Variants in ANKZF1 observed in about 807,000 individuals in gnomAD.
ANKZF1 encodes ankyrin repeat and zinc finger peptidyl tRNA hydrolase 1.
In ANKZF1, 84 loss-of-function variants were observed where a neutral mutation model predicts 86.0. That is an observed-to-expected ratio of 0.98 (90% CI 0.82 to 1.17). The LOEUF (loss-of-function observed/expected upper bound fraction) is 1.17, where lower values mean the gene tolerates loss of function less well. Among genes scored for constraint, ANKZF1 ranks in the 50% most tolerant of loss-of-function variants. The pLI is 0.00. For missense variants in ANKZF1, 893 were observed against 918.4 expected, an observed-to-expected ratio of 0.97 and a Z score of 0.36; for synonymous variants, 331 against 354.2, an observed-to-expected ratio of 0.93 and a Z score of 0.74.
At position 219,229,847 on chromosome 2, in the gene ANKZF1, A is replaced by G. The variant is rs1171499711; in HGVS notation, c.-84A>G. The G allele has an allele frequency of 1.2e-5, 2 of 173,872 alleles. No individual in the cohort carries two copies. Among genetic ancestry groups the G allele is most frequent in the Non-Finnish European group, 2.5e-5 (2 of 80,142 alleles). The allele number at this position is 173,872 out of a possible 1,614,324, so 10.8% of individuals were successfully genotyped here. A position where few individuals can be genotyped will look rare whatever the true frequency, so the allele number is the denominator to read the frequency against. On this transcript the variant is annotated 5_prime_UTR_variant, in exon 1 of 14. Coordinates refer to ENST00000323348, the MANE Select transcript of ANKZF1 (RefSeq NM_018089.3). This position sits in a 1 kb window ranked among gnomAD's most constrained non-coding sequence, Gnocchi z 4.2. ...AGTGACGGGGATTGTTGTGTTGCAGAAATCCGGCAATCGACCTGAGGACTT... is the reference window on the plus strand; with the variant it reads ...AGTGACGGGGATTGTTGTGTTGCAGGAATCCGGCAATCGACCTGAGGACTT...
In ANKZF1 at chr2:219,234,821, C is replaced by T; in HGVS notation, c.1205-5C>T. 1 of 1,600,438 alleles carries T rather than the reference C, an allele frequency of 6.2e-7. No homozygotes were observed. The highest frequency in any genetic ancestry group is 8.5e-7 in the Non-Finnish European group (1 of 1,172,486). On this transcript the variant is annotated splice_polypyrimidine_tract_variant and splice_region_variant and intron_variant, in intron 9 of 13. Coordinates refer to ENST00000323348, the MANE Select transcript of ANKZF1 (RefSeq NM_018089.3). ...ATGGATTTCACATGTCAGGTTTTTC[C>T]CTAGGTTCAGGGTCGGAGGGAGAAG...
chr2:219,235,210 C>T lies in ANKZF1; in HGVS notation c.1589C>T (p.Pro530Leu). 1 of 1,613,992 alleles carries T rather than the reference C, an allele frequency of 6.2e-7. No individual in the cohort carries two copies. Among genetic ancestry groups the T allele is most frequent in the Non-Finnish European group, 8.5e-7 (1 of 1,180,040 alleles). ...AGAGTTCTGTCTCTGCTCAGTGCCC[C>T]CTTGGGCTCCGGTGGCTTTACTCTC... Reference protein sequence around the residue: ...DPRVLSLLSAPLGSGGFTLLH... With the variant: ...DPRVLSLLSALLGSGGFTLLH... The change falls in exon 10 of 14, where the codon CCC (proline) becomes CTC (leucine). Residue 530 changes from proline to leucine, a missense_variant. By Grantham distance (98) the Pro-to-Leu change is moderately conservative (BLOSUM62 -3). Transcript: ENST00000323348.
chr2:219,232,810 A>G (rs1951082836), intron 5 of ANKZF1, 127 bp downstream of exon 5: 4 of 1,094,746 alleles, frequency 3.7e-6, no homozygotes, highest in Non-Finnish European at 5.2e-6. Flanking sequence ...CACGCTTGAC[A>G]ACATAGTCTT....
rs201359327 is a variant in ANKZF1 at position 219,230,214 on chromosome 2, G to A, written c.-30-14G>A. On this transcript the variant is annotated splice_polypyrimidine_tract_variant and intron_variant, in intron 1 of 13. Coordinates refer to ENST00000323348, the MANE Select transcript of ANKZF1 (RefSeq NM_018089.3). ...TTTGCAGGAGCCCTGTTTCTTACAC[G>A]CTTTCTACTCCAGGAGCTGCTGCTA... is the stretch of plus-strand genomic sequence containing the variant. 10 of 1,595,358 alleles carry A rather than the reference G, an allele frequency of 6.3e-6. No individual in the cohort carries two copies. The highest frequency in any genetic ancestry group is 6.9e-6 in the Non-Finnish European group (8 of 1,167,604).
chr2:219,230,006 T>C (rs1233981289), intron 1 of ANKZF1, 106 bp downstream of exon 1: 1 of 424,394 alleles, frequency 2.4e-6, no homozygotes, highest in Non-Finnish European at 4.2e-6. Flanking sequence ...TTTAACTCTG[T>C]TGGACTCGAT....
Position 219,230,315 on chromosome 2 carries a change from A to G in ANKZF1, c.58A>G (p.Ser20Gly), listed in dbSNP as rs1245279610. Residue 20 changes from serine to glycine, a missense_variant, in exon 2 of 14, where the codon AGC becomes GGC. Transcript: ENST00000323348. ...APASISLFDL[S>G]ADAPVFQGLS... ...TGCGTCGATCTCCCTGTTTGACCTC[A>G]GCGCGGATGCTCCGGTCTTTCAGGG... 1.9e-6 allele frequency: 3 copies of G among 1,614,110 alleles called. No individual in the cohort carries two copies. Among genetic ancestry groups the G allele is most frequent in the African/African-American group, 2.7e-5 (2 of 75,052 alleles).
intron 9 of ANKZF1, chr2:219,234,524 C>T: frequency 1.5e-6 from 1 of 646,674 alleles, no homozygotes; most frequent in Non-Finnish European, 2.7e-6. Flanking sequence ...GGATGTGTTG[C>T]ATGGATCTCA....
At position 219,234,113 on chromosome 2, in the gene ANKZF1, G is replaced by T. The variant is rs1340149826; in HGVS notation, c.1049-20G>T. ...CTTCTCCTCAGCTAAGGTTGAGAAA[G>T]ATCTTTTCTTTTATGGCAGAAGAAG... On this transcript the variant is annotated intron_variant, in intron 8 of 13. Coordinates refer to ENST00000323348, the MANE Select transcript of ANKZF1 (RefSeq NM_018089.3). The T allele has an allele frequency of 9.4e-6, 15 of 1,603,232 alleles. No homozygotes were observed. Among genetic ancestry groups the T allele is most frequent in the Non-Finnish European group, 1.3e-5 (15 of 1,177,092 alleles).
chr2:219,233,501 G>A, intron 7 of ANKZF1, 68 bp downstream of exon 7: 6 of 1,493,920 alleles, frequency 4.0e-6, no homozygotes, highest in Non-Finnish European at 5.3e-6. Flanking sequence ...TCAACTCACT[G>A]TTAAGTAGGG....
In ANKZF1 at chr2:219,232,305, C is replaced by T. The variant is rs576741102; in HGVS notation, c.307C>T (p.Arg103Cys). 57 of 1,614,214 alleles carry T rather than the reference C, an allele frequency of 3.5e-5. No individual in the cohort carries two copies. Among genetic ancestry groups the T allele is most frequent in the Admixed American group, 2.0e-4 (12 of 60,026 alleles). ...LDWHRFNLKQRLKDKPLLSAL... is the reference protein window; with the variant it reads ...LDWHRFNLKQCLKDKPLLSAL... ...CTGGCATCGGTTTAACCTAAAGCAACGTCTCAAGGACAAGCCTCTCCTGTC... is the reference window on the plus strand; with the variant it reads ...CTGGCATCGGTTTAACCTAAAGCAATGTCTCAAGGACAAGCCTCTCCTGTC... The change falls in exon 4 of 14, where the codon CGT (arginine) becomes TGT (cysteine). Residue 103 changes from arginine (R) to cysteine (C), a missense_variant. Arg to Cys is a radical substitution (Grantham distance 180). Transcript: ENST00000323348.
At chr2:219,235,450 C>A in intron 10 of ANKZF1, 24 bp from the exon 11 acceptor site, 1 of 1,612,214 alleles carries the variant, frequency 6.2e-7, no homozygotes, top group Non-Finnish European at 8.5e-7. Context: ...AAGTTAAACC[C>A]ATTTTTGGAG....
chr2:219,232,802 C>A, intron 5 of ANKZF1, 119 bp downstream of exon 5: 1 of 1,124,204 alleles, frequency 8.9e-7, no homozygotes, highest in Non-Finnish European at 1.3e-6. Flanking sequence ...GTGGGTATCA[C>A]GCTTGACAAC....
chr2:219,230,451 C>A, intron 2 of ANKZF1, 46 bp downstream of exon 2: 1 of 1,549,864 alleles, frequency 6.5e-7, no homozygotes, highest in South Asian at 1.2e-5. Flanking sequence ...CTCCTTACAG[C>A]GTATTGCCCG....
Position 219,233,790 on chromosome 2 carries a change from C to T in ANKZF1, c.895C>T (p.Pro299Ser). 1.2e-6 allele frequency: 2 copies of T among 1,614,116 alleles called. No homozygotes were observed. Among genetic ancestry groups the T allele is most frequent in the Non-Finnish European group, 8.5e-7 (1 of 1,180,032 alleles). Residue 299 changes from proline to serine, a missense_variant, in exon 8 of 14, where the codon CCC becomes TCC. Coordinates refer to ENST00000323348, the MANE Select transcript of ANKZF1 (RefSeq NM_018089.3). ...EEAGTILLRAPRSGRSLFFGG... is the reference protein window; with the variant it reads ...EEAGTILLRASRSGRSLFFGG... The stretch of plus-strand genomic sequence containing the variant: ...GGCTGGTACAATACTGTTGCGTGCT[C>T]CCCGCTCTGGCCGGTCTTTGTTCTT...
chr2:219,232,525 G>A lies in ANKZF1; in HGVS notation c.400G>A (p.Asp134Asn). The A allele has an allele frequency of 6.2e-7, 1 of 1,614,212 alleles. No homozygotes were observed. The highest frequency in any genetic ancestry group is 8.5e-7 in the Non-Finnish European group (1 of 1,180,040). ...CAGCATCTCGGGATCAGAAGACTCAGACTCAGCCAGTGAGGAGGACTTGCA... is the reference window on the plus strand; with the variant it reads ...CAGCATCTCGGGATCAGAAGACTCAAACTCAGCCAGTGAGGAGGACTTGCA... Reference protein sequence around the residue: ...LSSISGSEDSDSASEEDLQTL... With the variant: ...LSSISGSEDSNSASEEDLQTL... The change falls in exon 5 of 14, where the codon GAC (aspartate) becomes AAC (asparagine). Residue 134 changes from aspartate to asparagine, a missense_variant. Coordinates refer to ENST00000323348, the MANE Select transcript of ANKZF1 (RefSeq NM_018089.3).
intron 8 of ANKZF1, 79 bp downstream of exon 8, chr2:219,234,022 C>G: frequency 6.5e-7 from 1 of 1,530,940 alleles, no homozygotes; most frequent in Admixed American, 2.2e-5. Context: ...ATTGGTATAT[C>G]CAGAGGATTT....
At chr2:219,234,362 A>G in intron 9 of ANKZF1, 74 bp downstream of exon 9, 1 of 1,582,098 alleles carries the variant, frequency 6.3e-7, no homozygotes, top group Non-Finnish European at 8.7e-7. Context: ...CCCTACTCTC[A>G]TAACTGACCC....
chr2:219,232,150 G>C, intron 3 of ANKZF1, 110 bp downstream of exon 3: 2 of 1,412,142 alleles, frequency 1.4e-6, no homozygotes, highest in South Asian at 2.5e-5. Context: ...GACTGAGGCA[G>C]TTGGTGTTAC....
At position 219,234,150 on chromosome 2, in the gene ANKZF1, GCAGT is replaced by G. The variant is rs1346689260; in HGVS notation, c.1070_1073del (p.Val357AspfsTer12). 1 of 1,611,582 alleles carries G rather than the reference GCAGT, an allele frequency of 6.2e-7. No homozygotes were observed. Among genetic ancestry groups the G allele is most frequent in the African/African-American group, 1.3e-5 (1 of 74,660 alleles). ...TATGGCAGAAGAAGACCCTCGGGAA[GCAGT>G]CAGACTGCACTCACCTCAGACACAC... is the stretch of plus-strand genomic sequence containing the variant. On this transcript the variant is annotated frameshift_variant, in exon 9 of 14. Coordinates refer to ENST00000323348, the MANE Select transcript of ANKZF1 (RefSeq NM_018089.3). LOFTEE classifies it high-confidence loss of function.
Sources: gnomAD v4.1 joint callset for allele counts on GRCh38, gnomAD v4.1.1 for gene constraint, Gnocchi (gnomAD v3.1) non-coding constraint, MANE v1.5 for transcripts, NCBI Gene and HGNC (gene_info 2026-07-23, HGNC 2026-07-21) for gene names.